The following DIP2C variants were observed in gnomAD, a reference collection of about 807,000 sequenced individuals.
The protein encoded by DIP2C is DIP2 acetate--CoA ligase C (putative).
Under a neutral mutation model 192.4 loss-of-function variants are expected in DIP2C, and 33 were observed. That is an observed-to-expected ratio of 0.17 (90% confidence interval 0.13 to 0.23). The LOEUF is 0.23. Ranked by LOEUF, DIP2C falls within the 10% of genes least tolerant of loss-of-function variation. The pLI, the probability that DIP2C is intolerant of heterozygous loss-of-function variation, is 1.00. For missense variants in DIP2C, 1,537 were observed against 2,110.1 expected, an observed-to-expected ratio of 0.73 and a Z score of 5.32; for synonymous variants, 979 against 864.1, an observed-to-expected ratio of 1.13 and a Z score of -2.33.
chr10:532,550 A>AGT (rs1847437318), intron 1 of DIP2C, among the ~76,000 whole-genome samples: 1 of 140,722 alleles, frequency 7.1e-6, no homozygotes, highest in Non-Finnish European at 1.6e-5. Context: ...GGTGTGAGAG[A>AGT]GTATGGGTGA....
chr10:338,543 C>T (rs901652808), intron 29 of DIP2C, among the ~76,000 whole-genome samples: 1 of 152,128 alleles, frequency 6.6e-6, no homozygotes, highest in South Asian at 2.1e-4. Flanking sequence ...GCATTCAGTG[C>T]ACTAACACGC....
intron 1 of DIP2C, among the ~76,000 whole-genome samples, chr10:491,540 G>A (rs1181964607): frequency 6.6e-6 from 1 of 152,168 alleles, no homozygotes; most frequent in Admixed American, 6.5e-5. Context: ...GCCTGCACTG[G>A]GGACAGGGGC....
At chr10:673,052 A>C (rs1454872468) in intron 1 of DIP2C, among the ~76,000 whole-genome samples, 1 of 152,128 alleles carries the variant, frequency 6.6e-6, no homozygotes, top group Non-Finnish European at 1.5e-5. Context: ...CCTGGTTAGA[A>C]CCAAGGGGGA....
chr10:577,224 C>G (rs183364865), intron 1 of DIP2C, among the ~76,000 whole-genome samples: 3 of 152,264 alleles, frequency 2.0e-5, no homozygotes, highest in East Asian at 3.9e-4. Context: ...ACACATGGTA[C>G]AAGAAGAATG....
At chr10:449,927 A>C (rs757492609) in intron 3 of DIP2C, among the ~76,000 whole-genome samples, 4,412 of 138,808 alleles carry the variant, frequency 0.032, 105 homozygotes, top group Non-Finnish European at 0.042. Flanking sequence ...CAACAAAAAA[A>C]AAAAAAAAAG....
At chr10:405,172 G>A (rs1272011137) in intron 9 of DIP2C, among the ~76,000 whole-genome samples, 2 of 152,332 alleles carry the variant, frequency 1.3e-5, no homozygotes, top group East Asian at 3.9e-4. Flanking sequence ...CAGCTGAGAC[G>A]GAGAGGATGC....
chr10:297,619 A>C (rs1161403494), intron 32 of DIP2C, among the ~76,000 whole-genome samples: 1 of 152,220 alleles, frequency 6.6e-6, no homozygotes, highest in African/African-American at 2.4e-5. Flanking sequence ...GAAGCTAAAG[A>C]AAGATGATTT....
chr10:664,769 A>T (rs1419819653), intron 1 of DIP2C: 3 of 152,226 alleles, frequency 2.0e-5, no homozygotes, highest in African/African-American at 7.2e-5. Flanking sequence ...TTTTAAAATG[A>T]ACCAAATATA....
intron 4 of DIP2C, among the ~76,000 whole-genome samples, chr10:431,412 G>C (rs1341909259): frequency 3.3e-5 from 5 of 152,126 alleles, no homozygotes; most frequent in Non-Finnish European, 7.4e-5. Context: ...TTTTATGCCT[G>C]AGTATTCCAT....
rs1195989538 is a variant in DIP2C at position 337,616 on chromosome 10, C to CTG, written c.3584+3581_3584+3582dup. ...GTGTGTTCTGTGGAGGCCTAGGCAGCTGTGTGTGTGTGCGCACGTGTGTTG... is the reference window on the plus strand; with the variant it reads ...GTGTGTTCTGTGGAGGCCTAGGCAGCTGTGTGTGTGTGTGCGCACGTGTGTTG... On this transcript the variant is annotated intron_variant, in intron 29 of 36. Coordinates refer to ENST00000280886, the MANE Select transcript of DIP2C (RefSeq NM_014974.3). Among the ~76,000 whole-genome samples, 365 of 121,154 alleles carry CTG rather than the reference C, an allele frequency of 3.0e-3. 1 individual carries two copies. The Middle Eastern group carries it at 0.034, about 11-fold the overall frequency. The allele number at this position is 121,154 out of a possible 152,430, so 79.5% of individuals were successfully genotyped here.
At position 689,480 on chromosome 10, in the gene DIP2C, G is replaced by A; in HGVS notation, c.85+14C>T. The A allele has an allele frequency of 8.3e-7, 1 of 1,197,930 alleles. No homozygotes were observed. Among genetic ancestry groups the A allele is most frequent in the Admixed American group, 3.2e-5 (1 of 30,916 alleles). 74.2% of individuals were successfully genotyped at this position (1,197,930 alleles called of 1,614,324 possible). A position where few individuals can be genotyped will look rare whatever the true frequency, so the allele number is the denominator to read the frequency against. On this transcript the variant is annotated intron_variant, in intron 1 of 36. Transcript: ENST00000280886. The surrounding 1 kb of genome is among the most constrained non-coding windows in gnomAD (Gnocchi z 6.1). The stretch of plus-strand genomic sequence containing the variant: ...GTGACAGCGCGGCCCGGCCCGGGGC[G>A]GGGGCCCGGTTACCTTCCGACAGCT...
intron 17 of DIP2C, among the ~76,000 whole-genome samples, chr10:371,569 G>C (rs1314166664): frequency 3.3e-5 from 5 of 152,090 alleles, no homozygotes; most frequent in African/African-American, 7.3e-5. Flanking sequence ...TGGAGTGACA[G>C]GTACCCATCC....
At chr10:615,223 C>T (rs573088711) in intron 1 of DIP2C, among the ~76,000 whole-genome samples, 13 of 152,280 alleles carry the variant, frequency 8.5e-5, no homozygotes, top group East Asian at 1.9e-4. Flanking sequence ...TCCCAACGAT[C>T]GGGGAAGAAA....
intron 28 of DIP2C, among the ~76,000 whole-genome samples, chr10:343,796 C>T (rs2132579386): frequency 6.6e-6 from 1 of 152,320 alleles, no homozygotes; most frequent in South Asian, 2.1e-4. Flanking sequence ...AGTTCTTCAG[C>T]TTAGCAAATA....
Position 525,832 on chromosome 10 carries a change from G to A in DIP2C, c.86-39302C>T, listed in dbSNP as rs1847018881. On this transcript the variant is annotated intron_variant, in intron 1 of 36. Coordinates refer to ENST00000280886, the MANE Select transcript of DIP2C (RefSeq NM_014974.3). ...TGAGTGACCTGCCAAGAGACATGAT[G>A]GCCAAGCCTGGATGGAATCCCTGGA... Among the ~76,000 whole-genome samples, 2 of 152,152 alleles carry A rather than the reference G, an allele frequency of 1.3e-5. 1 individual carries two copies. Among genetic ancestry groups the A allele is most frequent in the South Asian group, 4.1e-4 (2 of 4,830 alleles).
At chr10:494,576 T>C (rs1193683875) in intron 1 of DIP2C, among the ~76,000 whole-genome samples, 2 of 152,158 alleles carry the variant, frequency 1.3e-5, no homozygotes, top group Non-Finnish European at 2.9e-5. Context: ...CCAGTCAATA[T>C]GCAGCATGAG....
Position 422,927 on chromosome 10 carries a change from G to C in DIP2C, c.501C>G (p.Ala167=). The part of the protein sequence containing the change: ...SINMEHWISQ[A]IHGSTTSTTS... ...TGGTGGACGTGGTGGAGCCGTGGAT[G>C]GCCTGGCTGATCCAGTGCTCCATAT... The change falls in exon 5 of 37, where the codon GCC becomes GCG. Residue 167 remains alanine (A), a synonymous_variant. Transcript: ENST00000280886. 1 of 1,614,130 alleles carries C rather than the reference G, an allele frequency of 6.2e-7. No homozygotes were observed.
At chr10:634,175 A>G (rs1322319454) in intron 1 of DIP2C, among the ~76,000 whole-genome samples, 1 of 152,332 alleles carries the variant, frequency 6.6e-6, no homozygotes, top group East Asian at 1.9e-4. Flanking sequence ...TCAGGGAAAC[A>G]CTAATAAAAA....
At chr10:352,282 A>G (rs909614717) in intron 24 of DIP2C, among the ~76,000 whole-genome samples, 1 of 152,200 alleles carries the variant, frequency 6.6e-6, no homozygotes, top group African/African-American at 2.4e-5. Flanking sequence ...AAATGTTTTG[A>G]TTCTGGTGCA....
Sources: allele counts gnomAD v4.1 joint callset (sites outside exome capture counted in the v4.1 genomes callset), GRCh38; gene constraint gnomAD v4.1.1; non-coding constraint Gnocchi (gnomAD v3.1); transcripts MANE v1.5; gene names NCBI Gene and HGNC (gene_info 2026-07-23, HGNC 2026-07-21).